The following SESTD1 variants were observed in gnomAD, a reference collection of about 807,000 sequenced individuals.
The protein encoded by SESTD1 is SEC14 and spectrin domain containing 1.
In SESTD1, 43 loss-of-function variants were observed where a neutral mutation model predicts 101.7. That is an observed-to-expected ratio of 0.42 (90% CI 0.33 to 0.55). SESTD1 has a LOEUF of 0.55. Among genes scored for constraint, SESTD1 ranks in the 20% least tolerant of loss-of-function variants. The probability of loss-of-function intolerance (pLI) is 0.07; values close to 1 mark genes in which losing one functional copy is unlikely to be tolerated. For missense variants in SESTD1, 647 were observed against 815.1 expected, an observed-to-expected ratio of 0.79 and a Z score of 2.51; for synonymous variants, 283 against 286.8, an observed-to-expected ratio of 0.99 and a Z score of 0.13.
At chr2:179,179,179 A>G (rs1487720139) in intron 3 of SESTD1, among the ~76,000 whole-genome samples, 1 of 152,208 alleles carries the variant, frequency 6.6e-6, no homozygotes, top group Non-Finnish European at 1.5e-5. Context: ...TTTTAACAAC[A>G]TATTTAATTT....
intron 9 of SESTD1, among the ~76,000 whole-genome samples, chr2:179,138,781 G>T (rs1163707414): frequency 1.3e-5 from 2 of 150,248 alleles, no homozygotes; most frequent in Admixed American, 1.3e-4. Context: ...TGAGGTGGGA[G>T]GGTCACCTGA....
chr2:179,179,780 A>G (rs1425964715), intron 3 of SESTD1, among the ~76,000 whole-genome samples: 1 of 152,088 alleles, frequency 6.6e-6, no homozygotes, highest in African/African-American at 2.4e-5. Flanking sequence ...CATTGCCTAC[A>G]TGGTCTTCCA....
chr2:179,239,187 A>C (rs1053369430), intron 1 of SESTD1, among the ~76,000 whole-genome samples: 1 of 152,208 alleles, frequency 6.6e-6, no homozygotes, highest in African/African-American at 2.4e-5. Flanking sequence ...GGATGCTATA[A>C]GCTCTGTACT....
intron 5 of SESTD1, among the ~76,000 whole-genome samples, chr2:179,166,814 G>A (rs926395866): frequency 9.8e-5 from 15 of 152,310 alleles, no homozygotes; most frequent in Middle Eastern, 3.4e-3. Flanking sequence ...GAAATGAGAA[G>A]CCTGTGGTGC....
At chr2:179,252,540 C>T (rs1360644901) in intron 1 of SESTD1, among the ~76,000 whole-genome samples, 1 of 152,226 alleles carries the variant, frequency 6.6e-6, no homozygotes, top group African/African-American at 2.4e-5. Context: ...AGTCCACCAT[C>T]TTCCACCTTC....
chr2:179,109,617 T>C lies in SESTD1; in HGVS notation c.*282A>G. On this transcript the variant is annotated 3_prime_UTR_variant, in exon 18 of 18. Coordinates refer to ENST00000428443, the MANE Select transcript of SESTD1 (RefSeq NM_178123.5). ...CCATTCAAAGCTTATTATCAGTTGT[T>C]TGTCTACAAACTGACAGGTCAGGTA... 4.5e-6 allele frequency: 2 copies of C among 446,544 alleles called. No individual in the cohort carries two copies. Among genetic ancestry groups the C allele is most frequent in the African/African-American group, 2.0e-5 (1 of 50,414 alleles). 27.7% of individuals were successfully genotyped at this position (446,544 alleles called of 1,614,324 possible).
rs1216373896 is a variant in SESTD1, at chr2:179,109,042, TA to T, written c.*856del. 6.6e-6 allele frequency: 1 copy of T among 152,498 alleles called. No homozygotes were observed. Among genetic ancestry groups the T allele is most frequent in the Non-Finnish European group, 1.5e-5 (1 of 68,008 alleles). 9.4% of individuals were successfully genotyped at this position (152,498 alleles called of 1,614,324 possible). A position where few individuals can be genotyped will look rare whatever the true frequency, so the allele number is the denominator to read the frequency against. On this transcript the variant is annotated 3_prime_UTR_variant, in exon 18 of 18. Transcript: ENST00000428443. The stretch of plus-strand genomic sequence containing the variant: ...TCAGGGTAGTTAATAATTTTGAGAA[TA>T]TTTTTCAAGTTGAAAAAGAGAAAAA...
chr2:179,123,469 T>C (rs763489770), intron 12 of SESTD1, among the ~76,000 whole-genome samples: 9 of 152,138 alleles, frequency 5.9e-5, no homozygotes, highest in Non-Finnish European at 1.0e-4. Context: ...CACCTGTAGA[T>C]ATAGCTGGGT....
Position 179,202,225 on chromosome 2 carries a change from C to A in SESTD1, c.-25-10359G>T, listed in dbSNP as rs1228768472. 1.5e-5 allele frequency among the ~76,000 whole-genome samples: 2 copies of A among 133,308 alleles called. 1 individual carries two copies. Among genetic ancestry groups the A allele is most frequent in the African/African-American group, 6.0e-5 (2 of 33,572 alleles). The allele number at this position is 133,308 out of a possible 152,430, so 87.5% of individuals were successfully genotyped here. ...TTTGTAACGTTTATTTTTAAAACTT[C>A]TCAGAATCATCTCAGTTTAACTTTT... On this transcript the variant is annotated intron_variant, in intron 1 of 17. Coordinates refer to ENST00000428443, the MANE Select transcript of SESTD1 (RefSeq NM_178123.5).
chr2:179,186,726 C>T (rs573934487), intron 2 of SESTD1, among the ~76,000 whole-genome samples: 4 of 142,854 alleles, frequency 2.8e-5, no homozygotes, highest in Admixed American at 1.5e-4. Context: ...CTTGCTCTGT[C>T]GCCCAGGCTG....
chr2:179,195,324 T>C (rs1395382006), intron 1 of SESTD1, among the ~76,000 whole-genome samples: 2 of 152,190 alleles, frequency 1.3e-5, no homozygotes, highest in Non-Finnish European at 2.9e-5. Flanking sequence ...TAAATGGCAG[T>C]TTCCCCTGCC....
intron 7 of SESTD1, among the ~76,000 whole-genome samples, chr2:179,148,782 C>T (rs762555950): frequency 2.0e-5 from 3 of 151,850 alleles, no homozygotes; most frequent in Non-Finnish European, 2.9e-5. Context: ...AAAAATGGGC[C>T]GGGTGCGGTG....
rs555395929 is a variant in SESTD1 at position 179,208,251 on chromosome 2, T to C, written c.-25-16385A>G. 2.4e-4 allele frequency among the ~76,000 whole-genome samples: 33 copies of C among 135,292 alleles called. 9 individuals are homozygous for C. The highest frequency in any genetic ancestry group is 7.6e-4 in the African/African-American group (26 of 34,368). The allele number at this position is 135,292 out of a possible 152,430, so 88.8% of individuals were successfully genotyped here. ...TTAAAACAACCAAACATAAAAATAA[T>C]TGGTGTTCCTGAGGAAGAAGAGAAT... On this transcript the variant is annotated intron_variant, in intron 1 of 17. Coordinates refer to ENST00000428443, the MANE Select transcript of SESTD1 (RefSeq NM_178123.5).
intron 17 of SESTD1, among the ~76,000 whole-genome samples, chr2:179,110,303 C>A (rs916436885): frequency 6.6e-6 from 1 of 151,928 alleles, no homozygotes; most frequent in Non-Finnish European, 1.5e-5. Context: ...ACAAATTGAA[C>A]AATGAAACAC....
intron 5 of SESTD1, among the ~76,000 whole-genome samples, chr2:179,155,255 C>T (rs952831703): frequency 1.3e-5 from 2 of 151,940 alleles, no homozygotes; most frequent in Non-Finnish European, 2.9e-5. Flanking sequence ...GGCTTTCACA[C>T]TAGGGAAATT....
At chr2:179,143,940 A>T in intron 8 of SESTD1, 137 bp from the exon 9 acceptor site, 1 of 829,426 alleles carries the variant, frequency 1.2e-6, no homozygotes, top group Non-Finnish European at 1.8e-6. Flanking sequence ...GGAATTTAAA[A>T]ATGTATGTAT....
At position 179,114,951 on chromosome 2, in the gene SESTD1, TAATATA is replaced by T. The variant is rs1365624182; in HGVS notation, c.1839+108_1839+113del. On this transcript the variant is annotated intron_variant, in intron 16 of 17. Transcript: ENST00000428443. ...TCTAAACAAACCGTAACAACGGAAC[TAATATA>T]AATATTGAAAAATAGATTAGTCATA... 4 of 879,622 alleles carry T rather than the reference TAATATA, an allele frequency of 4.5e-6. No individual in the cohort carries two copies. The Admixed American group carries it at 8.7e-5, about 19-fold the overall frequency. The allele number at this position is 879,622 out of a possible 1,614,324, so 54.5% of individuals were successfully genotyped here. A position where few individuals can be genotyped will look rare whatever the true frequency, so the allele number is the denominator to read the frequency against.
Position 179,146,395 on chromosome 2 carries a change from A to G in SESTD1, c.637+7T>C. 1 of 1,606,890 alleles carries G rather than the reference A, an allele frequency of 6.2e-7. No homozygotes were observed. The highest frequency in any genetic ancestry group is 8.5e-7 in the Non-Finnish European group (1 of 1,175,416). On this transcript the variant is annotated splice_region_variant and intron_variant, in intron 8 of 17. Coordinates refer to ENST00000428443, the MANE Select transcript of SESTD1 (RefSeq NM_178123.5). ...GATTATTATCACAAATATTTTTTAA[A>G]TCTTACCTGTCTGAAGAACTGTTTC...
At chr2:179,200,125 CCAA>C (rs1210513080) in intron 1 of SESTD1, among the ~76,000 whole-genome samples, 10 of 152,096 alleles carry the variant, frequency 6.6e-5, no homozygotes, top group Middle Eastern at 3.2e-3. Flanking sequence ...TTCTTATACA[CCAA>C]CAACAGACAG....
Sources: gnomAD v4.1 joint callset for allele counts (sites outside exome capture counted in the v4.1 genomes callset) on GRCh38, gnomAD v4.1.1 for gene constraint, MANE v1.5 for transcripts, NCBI Gene and HGNC (gene_info 2026-07-23, HGNC 2026-07-21) for gene names.